ROBO1: variants seen among roughly 807,000 people sequenced by gnomAD.
The protein encoded by ROBO1 is roundabout homolog 1.
In ROBO1, 149 loss-of-function variants were observed where a neutral mutation model predicts 195.9. That is an observed-to-expected ratio of 0.76 (90% confidence interval 0.67 to 0.87). ROBO1 has a LOEUF of 0.87. Ranked by LOEUF, ROBO1 falls within the 40% of genes least tolerant of loss-of-function variation. The pLI, the probability that ROBO1 is intolerant of heterozygous loss-of-function variation, is 0.00. For synonymous variants in ROBO1, 816 were observed against 733.2 expected (o/e 1.11, Z -1.82); for missense variants, 1,933 against 2,068.3 (o/e 0.93, Z 1.27).
intron 3 of ROBO1, among the ~76,000 whole-genome samples, chr3:79,068,749 C>A (rs1230814501): frequency 6.6e-6 from 1 of 151,804 alleles, no homozygotes; most frequent in African/African-American, 2.4e-5. Flanking sequence ...AAAAAATCAT[C>A]GCCTTATCAG....
chr3:78,649,867 G>GA (rs1706537463), intron 19 of ROBO1, among the ~76,000 whole-genome samples: 1 of 152,118 alleles, frequency 6.6e-6, no homozygotes, highest in Non-Finnish European at 1.5e-5. Context: ...CGTTAGTAAA[G>GA]AAAAAGAAAC....
At chr3:79,764,412 A>T (rs1397279636) in intron 1 of ROBO1, among the ~76,000 whole-genome samples, 1 of 152,226 alleles carries the variant, frequency 6.6e-6, no homozygotes, top group Non-Finnish European at 1.5e-5. Flanking sequence ...GTGGTCTCAG[A>T]AAGAGGAAAA....
intron 3 of ROBO1, among the ~76,000 whole-genome samples, chr3:79,097,547 A>AT (rs1056303720): frequency 1.1e-4 from 17 of 151,738 alleles, no homozygotes; most frequent in Non-Finnish European, 2.1e-4. Flanking sequence ...TTGCACTTGC[A>AT]TTTTTTTGTA....
intron 22 of ROBO1, among the ~76,000 whole-genome samples, chr3:78,637,339 T>C (rs1442380688): frequency 2.0e-5 from 3 of 152,182 alleles, no homozygotes; most frequent in African/African-American, 2.4e-5. Flanking sequence ...TAATTTCTAG[T>C]TTTGTTTAAC....
At position 78,699,608 on chromosome 3, in the gene ROBO1, A is replaced by C. The variant is rs185491198; in HGVS notation, c.1046-10836T>G. On this transcript the variant is annotated intron_variant, in intron 8 of 30. Transcript: ENST00000464233. ...AATAATAATATTAATAATAATAATA[A>C]TACAATTACACTTTGTTTTTACGTT... 7.8e-4 allele frequency among the ~76,000 whole-genome samples: 117 copies of C among 150,818 alleles called. 1 individual carries two copies. Among genetic ancestry groups the C allele is most frequent in the African/African-American group, 2.8e-3 (115 of 41,232 alleles).
intron 1 of ROBO1, among the ~76,000 whole-genome samples, chr3:79,718,910 A>C (rs923234613): frequency 2.0e-5 from 3 of 152,096 alleles, no homozygotes; most frequent in Non-Finnish European, 4.4e-5. Flanking sequence ...ACCTGGATAT[A>C]CATTAGTTTT....
chr3:79,563,010 A>G lies in ROBO1; in HGVS notation c.88+26814T>C, dbSNP rs566835339. Among the ~76,000 whole-genome samples the G allele has an allele frequency of 2.6e-5, 4 of 152,196 alleles. No homozygotes were observed. In the East Asian group the frequency reaches 7.7e-4, roughly 29 times the overall value. ...GTTTGAGATTGCATTCCCAGTATCCAATTTATTTCATCAATATGTGGTATC... is the reference window on the plus strand; with the variant it reads ...GTTTGAGATTGCATTCCCAGTATCCGATTTATTTCATCAATATGTGGTATC... On this transcript the variant is annotated intron_variant, in intron 2 of 30. Transcript: ENST00000464233.
chr3:79,550,196 GAAAAGA>G (rs1942447404), intron 2 of ROBO1, among the ~76,000 whole-genome samples: 1 of 6,240 alleles, frequency 1.6e-4, no homozygotes, highest in South Asian at 4.9e-3. Flanking sequence ...AGAAAGAAAG[GAAAAGA>G]AAAGAAAAGA....
chr3:78,984,987 T>A (rs946209692), intron 3 of ROBO1, among the ~76,000 whole-genome samples: 2 of 152,192 alleles, frequency 1.3e-5, no homozygotes, highest in Admixed American at 1.3e-4. Flanking sequence ...GACTTTATGA[T>A]GATCAACTTC....
chr3:79,019,338 A>T (rs1321047308), intron 3 of ROBO1: 10 of 985,574 alleles, frequency 1.0e-5, no homozygotes, highest in Non-Finnish European at 1.1e-5. Flanking sequence ...GGGGTGGCAG[A>T]GAAGGGCAGA....
chr3:79,084,732 T>C (rs2079336400), intron 3 of ROBO1, among the ~76,000 whole-genome samples: 1 of 152,106 alleles, frequency 6.6e-6, no homozygotes, highest in South Asian at 2.1e-4. Flanking sequence ...ATTTCCAGAA[T>C]CCACGCTCTT....
chr3:78,887,688 A>T (rs530009431), intron 4 of ROBO1, among the ~76,000 whole-genome samples: 1 of 152,302 alleles, frequency 6.6e-6, no homozygotes, highest in East Asian at 1.9e-4. Flanking sequence ...GACCAGCCTC[A>T]TCTACTAACG....
chr3:78,999,998 T>C (rs1407912954), intron 3 of ROBO1, among the ~76,000 whole-genome samples: 1 of 152,180 alleles, frequency 6.6e-6, no homozygotes, highest in Non-Finnish European at 1.5e-5. Context: ...CATCATATTC[T>C]AATTATTCAT....
intron 8 of ROBO1, among the ~76,000 whole-genome samples, chr3:78,707,267 C>T (rs1053165939): frequency 6.6e-6 from 1 of 152,264 alleles, no homozygotes; most frequent in Non-Finnish European, 1.5e-5. Context: ...AGGCAAAAGA[C>T]AGCACGGGGC....
At chr3:79,136,993 A>G (rs1427579682) in intron 2 of ROBO1, among the ~76,000 whole-genome samples, 1 of 152,128 alleles carries the variant, frequency 6.6e-6, no homozygotes, top group Non-Finnish European at 1.5e-5. Flanking sequence ...TAAATATTGA[A>G]TAAATTATTT....
chr3:79,589,676 C>T (rs573501336), intron 2 of ROBO1, 148 bp downstream of exon 2: 1 of 611,176 alleles, frequency 1.6e-6, no homozygotes, highest in African/African-American at 1.9e-5. Context: ...AATTGATCAG[C>T]ACTCATACTC....
Position 79,525,968 on chromosome 3 carries a change from A to G in ROBO1, c.88+63856T>C, listed in dbSNP as rs926410772. The stretch of plus-strand genomic sequence containing the variant: ...TCTAAGTTAATTTTCTCTCTTAAAG[A>G]TAAGAGTATGCAACTAATAATAAAA... On this transcript the variant is annotated intron_variant, in intron 2 of 30. Transcript: ENST00000464233. 3.3e-5 allele frequency among the ~76,000 whole-genome samples: 5 copies of G among 152,176 alleles called. No homozygotes were observed. In the South Asian group the frequency reaches 8.3e-4, roughly 25 times the overall value.
At position 78,670,320 on chromosome 3, in the gene ROBO1, G is replaced by C. The variant is rs1386390629; in HGVS notation, c.1343-19C>G. ...GCAATCACTGCCAGAAGAAACAACA[G>C]GAAATAGATTTCTGCAACTGGAAGC... On this transcript the variant is annotated intron_variant, in intron 10 of 30. Coordinates refer to ENST00000464233, the MANE Select transcript of ROBO1 (RefSeq NM_002941.4). The C allele has an allele frequency of 6.5e-7, 1 of 1,547,978 alleles. No individual in the cohort carries two copies. The highest frequency in any genetic ancestry group is 8.7e-7 in the Non-Finnish European group (1 of 1,144,082).
intron 10 of ROBO1, among the ~76,000 whole-genome samples, chr3:78,682,463 GTATA>G (rs1408982584): frequency 6.8e-6 from 1 of 146,862 alleles, no homozygotes; most frequent in Non-Finnish European, 1.5e-5. Flanking sequence ...GTATATATAT[GTATA>G]TATATGACTG....
Sources: allele counts gnomAD v4.1 joint callset (sites outside exome capture counted in the v4.1 genomes callset), GRCh38; gene constraint gnomAD v4.1.1; transcripts MANE v1.5; gene names NCBI Gene and HGNC (gene_info 2026-07-23, HGNC 2026-07-21).